The following KIF3A variants were observed in gnomAD, a reference collection of about 807,000 sequenced individuals.
KIF3A encodes the protein kinesin family member 3A.
Under a neutral mutation model 92.6 loss-of-function variants are expected in KIF3A, and 27 were observed. The ratio of observed to expected loss-of-function variants is 0.29; its 90% CI spans 0.21 to 0.40. The LOEUF is 0.40. KIF3A is among the 10% of genes least tolerant of loss of function. KIF3A has a pLI of 1.00. For missense variants in KIF3A, 581 were observed against 872.6 expected, an observed-to-expected ratio of 0.67 and a Z score of 4.21; for synonymous variants, 250 against 275.4, an observed-to-expected ratio of 0.91 and a Z score of 0.92.
In KIF3A at chr5:132,716,437, T is replaced by C; in HGVS notation, c.762A>G (p.Ser254=). ...TAGCTCCAGTTTTTGCCTGTCTTTC[T>C]GAACCCTAGCAATAAACAGAGATGA... ...GKLHLVDLAG[S]ERQAKTGATG... is the part of the protein sequence containing the mutation. Residue 254 remains serine (S), a synonymous_variant, in exon 7 of 19, where the codon TCA becomes TCG. Transcript: ENST00000403231. 2 of 1,613,186 alleles carry C rather than the reference T, an allele frequency of 1.2e-6. No homozygotes were observed. The highest frequency in any genetic ancestry group is 1.7e-6 in the Non-Finnish European group (2 of 1,179,422).
intron 11 of KIF3A, among the ~76,000 whole-genome samples, chr5:132,705,741 T>C (rs931082865): frequency 1.3e-5 from 2 of 152,024 alleles, no homozygotes; most frequent in African/African-American, 4.8e-5. Context: ...AGAATCACTC[T>C]GACAAATCAT....
At chr5:132,727,548 GAATGGA>G (rs1754076409) in intron 2 of KIF3A, among the ~76,000 whole-genome samples, 1 of 152,184 alleles carries the variant, frequency 6.6e-6, no homozygotes, top group Non-Finnish European at 1.5e-5. Flanking sequence ...AATGAGACCA[GAATGGA>G]AGAAACAGAG....
At chr5:132,715,959 C>A (rs778882501) in intron 7 of KIF3A, 28 bp from the exon 8 acceptor site, 1 of 1,468,068 alleles carries the variant, frequency 6.8e-7, no homozygotes, top group Non-Finnish European at 9.3e-7. Context: ...TGAAACAAAT[C>A]ATTTTACACT....
At chr5:132,714,080 A>T (rs188444847) in intron 8 of KIF3A, among the ~76,000 whole-genome samples, 8 of 151,822 alleles carry the variant, frequency 5.3e-5, no homozygotes, top group African/African-American at 1.9e-4. Flanking sequence ...TATTTTCAGT[A>T]AAGATGGGGT....
chr5:132,710,809 A>G, intron 9 of KIF3A, 150 bp downstream of exon 9: 2 of 1,042,078 alleles, frequency 1.9e-6, no homozygotes, highest in South Asian at 3.5e-5. Flanking sequence ...AGGAGAAAAA[A>G]TGCAAAGTTA....
intron 18 of KIF3A, 136 bp from the exon 19 acceptor site, chr5:132,696,818 G>C (rs1752855158): frequency 1.6e-6 from 1 of 631,260 alleles, no homozygotes; most frequent in East Asian, 2.7e-5. Flanking sequence ...TTTGACCATG[G>C]TAAGTGTTCA....
chr5:132,734,232 T>C lies in KIF3A; in HGVS notation c.253A>G (p.Ile85Val). The change falls in exon 2 of 19, where the codon ATT (isoleucine) becomes GTT (valine). Residue 85 changes from isoleucine (I) to valine (V), a missense_variant. Physicochemically the swap from Ile to Val is conservative, Grantham distance 29. Coordinates refer to ENST00000403231, the MANE Select transcript of KIF3A (RefSeq NM_001300791.2). ...DVYNLTARPI[I>V]DSVLEGYNGT... Reference sequence around the variant, plus strand: ...TTGTAGCCTTCAAGTACAGAATCAATAATAGGTCTTGCAGTTAAGTTATAA... The same window carrying C: ...TTGTAGCCTTCAAGTACAGAATCAACAATAGGTCTTGCAGTTAAGTTATAA... The C allele has an allele frequency of 6.2e-7, 1 of 1,613,678 alleles. No individual in the cohort carries two copies. Among genetic ancestry groups the C allele is most frequent in the Non-Finnish European group, 8.5e-7 (1 of 1,179,724 alleles).
At chr5:132,732,316 T>C (rs1754258984) in intron 2 of KIF3A, among the ~76,000 whole-genome samples, 1 of 152,176 alleles carries the variant, frequency 6.6e-6, no homozygotes, top group Admixed American at 6.5e-5. Context: ...CTCTTAGGTA[T>C]ATACCCAAGA....
intron 10 of KIF3A, among the ~76,000 whole-genome samples, chr5:132,708,175 G>C (rs189325279): frequency 2.0e-5 from 3 of 151,702 alleles, no homozygotes; most frequent in African/African-American, 7.3e-5. Context: ...CTAGCTACTC[G>C]GGAAGCTGAG....
In KIF3A at chr5:132,726,509, T is replaced by G. The variant is rs138692425; in HGVS notation, c.281-11A>C. 1.8e-4 allele frequency: 288 copies of G among 1,611,306 alleles called. 1 individual carries two copies. In the African/African-American group the frequency reaches 2.8e-3, roughly 16 times the overall value. ...ATGCAAAAATAGTCCCTGAAAATGA[T>G]GAAGAGAATCAGTTACTTCTTAAAG... On this transcript the variant is annotated splice_polypyrimidine_tract_variant and intron_variant, in intron 2 of 18. Transcript: ENST00000403231.
rs1581067116 is a variant in KIF3A at position 132,703,319 on chromosome 5, A to T, written c.1466+144T>A. 4 of 714,130 alleles carry T rather than the reference A, an allele frequency of 5.6e-6. No individual in the cohort carries two copies. The East Asian group carries it at 1.1e-4, about 19-fold the overall frequency. 44.2% of individuals were successfully genotyped at this position (714,130 alleles called of 1,614,324 possible). A position where few individuals can be genotyped will look rare whatever the true frequency, so the allele number is the denominator to read the frequency against. ...GATCTAGTTTTTAGAAATACACTAT[A>T]TACAATGGACCCTTCTATCCAAAAT... On this transcript the variant is annotated intron_variant, in intron 12 of 18. Coordinates refer to ENST00000403231, the MANE Select transcript of KIF3A (RefSeq NM_001300791.2).
intron 8 of KIF3A, among the ~76,000 whole-genome samples, chr5:132,711,764 T>C (rs1206592233): frequency 1.3e-5 from 2 of 152,186 alleles, no homozygotes; most frequent in Non-Finnish European, 2.9e-5. Context: ...TCAATCTGTA[T>C]TTTTAAGAGA....
Position 132,694,674 on chromosome 5 carries a change from A to C in KIF3A, c.*1960T>G, listed in dbSNP as rs1752773955. On this transcript the variant is annotated 3_prime_UTR_variant, in exon 19 of 19. Transcript: ENST00000403231. ...TAAGATTTCTTTAGAGTAATTACTA[A>C]CAGAGTTAAATGTGTATCATCAAAA... 6.6e-6 allele frequency: 1 copy of C among 152,378 alleles called. No individual in the cohort carries two copies. The highest frequency in any genetic ancestry group is 1.5e-5 in the Non-Finnish European group (1 of 68,044). The allele number at this position is 152,378 out of a possible 1,614,324, so 9.4% of individuals were successfully genotyped here.
At chr5:132,701,082 T>C (rs1035509363) in intron 15 of KIF3A, among the ~76,000 whole-genome samples, 2 of 149,542 alleles carry the variant, frequency 1.3e-5, no homozygotes, top group Admixed American at 1.3e-4. Context: ...CAAGGACCAA[T>C]AAGGAGAATG....
At chr5:132,726,618 T>C in intron 2 of KIF3A, 120 bp from the exon 3 acceptor site, 1 of 856,060 alleles carries the variant, frequency 1.2e-6, no homozygotes, top group Non-Finnish European at 1.8e-6. Context: ...AAATTTATTC[T>C]AGCACAAGTT....
chr5:132,731,493 C>T (rs1754229237), intron 2 of KIF3A, among the ~76,000 whole-genome samples: 1 of 152,158 alleles, frequency 6.6e-6, no homozygotes, highest in African/African-American at 2.4e-5. Flanking sequence ...AAGGGAACTT[C>T]CTCAAACCTA....
chr5:132,731,835 C>T (rs559292558), intron 2 of KIF3A, among the ~76,000 whole-genome samples: 1 of 151,996 alleles, frequency 6.6e-6, no homozygotes, highest in Non-Finnish European at 1.5e-5. Flanking sequence ...CCCAGCCTCC[C>T]GAGTAGCTGG....
chr5:132,718,376 C>A (rs1394847031), intron 5 of KIF3A, among the ~76,000 whole-genome samples: 1 of 152,170 alleles, frequency 6.6e-6, no homozygotes, highest in Admixed American at 6.5e-5. Context: ...GTGGCACAAT[C>A]TCGGCTCACT....
At position 132,695,171 on chromosome 5, in the gene KIF3A, T is replaced by C. The variant is rs1371800979; in HGVS notation, c.*1463A>G. ...TTTAGGAGTAGCATAACTTTATTTT[T>C]ATTTTATTTTTATTTTTTGAGGTGG... On this transcript the variant is annotated 3_prime_UTR_variant, in exon 19 of 19. Coordinates refer to ENST00000403231, the MANE Select transcript of KIF3A (RefSeq NM_001300791.2). The C allele has an allele frequency of 2.0e-5, 3 of 152,152 alleles. No individual in the cohort carries two copies. Among genetic ancestry groups the C allele is most frequent in the Non-Finnish European group, 4.4e-5 (3 of 68,010 alleles). The allele number at this position is 152,152 out of a possible 1,614,324, so 9.4% of individuals were successfully genotyped here.
Sources: allele counts gnomAD v4.1 joint callset (sites outside exome capture counted in the v4.1 genomes callset), GRCh38; gene constraint gnomAD v4.1.1; transcripts MANE v1.5; gene names NCBI Gene and HGNC (gene_info 2026-07-23, HGNC 2026-07-21).